The following XXYLT1 variants were observed in gnomAD, a reference collection of about 807,000 sequenced individuals.
The protein encoded by XXYLT1 is xyloside xylosyltransferase 1.
XXYLT1 carries 20 observed loss-of-function variants against 28.9 expected under a neutral mutation model. The observed-to-expected ratio is 0.69, with a 90% CI of 0.49 to 1.00. XXYLT1 has a LOEUF of 1.00. XXYLT1 is among the 50% of genes least tolerant of loss of function. The pLI is 0.00. For synonymous variants in XXYLT1, 257 were observed against 253.8 expected (o/e 1.01, Z -0.12); for missense variants, 542 against 560.1 (o/e 0.97, Z 0.33).
chr3:195,084,593 A>G (rs1401369258), intron 3 of XXYLT1, among the ~76,000 whole-genome samples: 1 of 152,212 alleles, frequency 6.6e-6, no homozygotes, highest in Non-Finnish European at 1.5e-5. Flanking sequence ...TACTCTTTTC[A>G]GAGGTCCAAT....
At chr3:195,075,982 G>C (rs7630743) in intron 3 of XXYLT1, among the ~76,000 whole-genome samples, 26,588 of 151,948 alleles carry the variant, frequency 0.17, 2,999 homozygotes, top group East Asian at 0.51. Flanking sequence ...ACCCTGTGGG[G>C]AGGCACACCG....
chr3:195,112,308 CAGA>C (rs991199648), intron 3 of XXYLT1, among the ~76,000 whole-genome samples: 1 of 152,156 alleles, frequency 6.6e-6, no homozygotes, highest in Non-Finnish European at 1.5e-5. Flanking sequence ...TCGCAAGCCC[CAGA>C]AGATCTGTCC....
intron 3 of XXYLT1, among the ~76,000 whole-genome samples, chr3:195,156,116 G>T (rs779726370): frequency 1.3e-5 from 2 of 152,202 alleles, no homozygotes; most frequent in African/African-American, 4.8e-5. Flanking sequence ...AGCCCAGCTG[G>T]TCAGTAGAAG....
rs921263122 is a variant in XXYLT1 at position 195,133,651 on chromosome 3, G to A, written c.785+22798C>T. On this transcript the variant is annotated intron_variant, in intron 3 of 3. Transcript: ENST00000310380. This position sits in a 1 kb window ranked among gnomAD's most constrained non-coding sequence, Gnocchi z 4.4. ...CAAACGCTCCCAGATGCACACTCTC[G>A]GCAACTTGTTGCCATGCAGCATTGT... 1.3e-5 allele frequency among the ~76,000 whole-genome samples: 2 copies of A among 152,092 alleles called. No homozygotes were observed. Among genetic ancestry groups the A allele is most frequent in the African/African-American group, 4.8e-5 (2 of 41,414 alleles).
At chr3:195,192,085 T>C (rs1722444884) in intron 2 of XXYLT1, among the ~76,000 whole-genome samples, 1 of 152,202 alleles carries the variant, frequency 6.6e-6, no homozygotes, top group Admixed American at 6.5e-5. Context: ...ATCCATTCCC[T>C]GAGACAGACT....
intron 3 of XXYLT1, among the ~76,000 whole-genome samples, chr3:195,108,262 T>C (rs895000091): frequency 1.4e-4 from 22 of 152,240 alleles, no homozygotes; most frequent in Non-Finnish European, 4.4e-5. Flanking sequence ...TAAACATTAA[T>C]TAGAAACGCA....
intron 1 of XXYLT1, among the ~76,000 whole-genome samples, chr3:195,249,516 C>T (rs1360942695): frequency 1.3e-5 from 2 of 152,226 alleles, no homozygotes. Context: ...GACATGAGCT[C>T]ATCTCATCCT....
intron 2 of XXYLT1, among the ~76,000 whole-genome samples, chr3:195,206,373 T>C (rs1577145545): frequency 6.6e-6 from 1 of 151,028 alleles, no homozygotes; most frequent in African/African-American, 2.4e-5. Context: ...AAACATGTAG[T>C]CAATTCAAGA....
Position 195,270,971 on chromosome 3 carries a change from C to A in XXYLT1, c.88G>T (p.Ala30Ser). Reference protein sequence around the residue: ...VRSHYCALLLAAALAVCAFYY... With the variant: ...VRSHYCALLLSAALAVCAFYY... ...AAGGCGCAGACGGCCAGCGCCGCGG[C>A]CAGCAGCAGGGCGCAGTAGTGGGAG... The change falls in exon 1 of 4, where the codon GCC (alanine) becomes TCC (serine). Residue 30 changes from alanine (A) to serine (S), a missense_variant. Physicochemically the swap from Ala to Ser is moderately conservative, Grantham distance 99 (BLOSUM62 1). Transcript: ENST00000310380. 1 of 1,487,812 alleles carries A rather than the reference C, an allele frequency of 6.7e-7. No individual in the cohort carries two copies. The highest frequency in any genetic ancestry group is 8.9e-7 in the Non-Finnish European group (1 of 1,122,172). The allele number at this position is 1,487,812 out of a possible 1,614,324, so 92.2% of individuals were successfully genotyped here.
chr3:195,103,484 T>C (rs1384488459), intron 3 of XXYLT1, among the ~76,000 whole-genome samples: 1 of 152,232 alleles, frequency 6.6e-6, no homozygotes, highest in Admixed American at 6.5e-5. Context: ...TGTTAGAGGC[T>C]GCATGGGCCT....
At chr3:195,084,295 G>A (rs1388631713) in intron 3 of XXYLT1, among the ~76,000 whole-genome samples, 1 of 152,112 alleles carries the variant, frequency 6.6e-6, no homozygotes, top group African/African-American at 2.4e-5. Context: ...TGGGAAGATG[G>A]CAGGGATCAG....
intron 3 of XXYLT1, among the ~76,000 whole-genome samples, chr3:195,099,121 GCAGA>G (rs146663682): frequency 0.01 from 1,554 of 152,346 alleles, 20 homozygotes; most frequent in African/African-American, 0.036. Context: ...CGAGGACATG[GCAGA>G]CAGACACCGC....
chr3:195,186,902 T>G (rs1722220968), intron 2 of XXYLT1, among the ~76,000 whole-genome samples: 1 of 151,420 alleles, frequency 6.6e-6, no homozygotes, highest in African/African-American at 2.4e-5. Context: ...TGAAGTTTTT[T>G]TTTTTTTTTT....
At chr3:195,175,779 C>A in intron 2 of XXYLT1, 1 of 1,507,068 alleles carries the variant, frequency 6.6e-7, no homozygotes, top group Admixed American at 2.1e-5. Context: ...CCCTGGAAGC[C>A]ACATGCTCCA....
intron 2 of XXYLT1, among the ~76,000 whole-genome samples, chr3:195,216,150 A>G (rs951382893): frequency 4.6e-5 from 7 of 152,252 alleles, no homozygotes; most frequent in South Asian, 4.1e-4. Context: ...TCTCTGGGAC[A>G]CATTCAAAGC....
At chr3:195,140,801 AG>A (rs1719446353) in intron 3 of XXYLT1, among the ~76,000 whole-genome samples, 1 of 152,188 alleles carries the variant, frequency 6.6e-6, no homozygotes, top group African/African-American at 2.4e-5. Context: ...CCTCCCACCC[AG>A]CCCCTCCTCT....
intron 2 of XXYLT1, among the ~76,000 whole-genome samples, chr3:195,200,227 CA>C (rs1722795914): frequency 6.6e-6 from 1 of 152,232 alleles, no homozygotes; most frequent in South Asian, 2.1e-4. Flanking sequence ...AGCCGTGAAG[CA>C]GCGTGGCGAA....
chr3:195,114,625 T>G, intron 3 of XXYLT1, among the ~76,000 whole-genome samples: 1 of 152,194 alleles, frequency 6.6e-6, no homozygotes, highest in Middle Eastern at 3.2e-3. Context: ...GACATCTCTT[T>G]ACACGTTTAA....
rs1378622365 is a variant in XXYLT1 at position 195,168,260 on chromosome 3, T to C, written c.653-11679A>G. 6.6e-6 allele frequency among the ~76,000 whole-genome samples: 1 copy of C among 152,212 alleles called. No homozygotes were observed. Among genetic ancestry groups the C allele is most frequent in the Admixed American group, 6.5e-5 (1 of 15,274 alleles). ...ACCACCCTGTGATTCTGAACAGGAATGGTCTTTGCCCCTCACTCATACCTT... is the reference window on the plus strand; with the variant it reads ...ACCACCCTGTGATTCTGAACAGGAACGGTCTTTGCCCCTCACTCATACCTT... On this transcript the variant is annotated intron_variant, in intron 2 of 3. Transcript: ENST00000310380. The surrounding 1 kb of genome is among the most constrained non-coding windows in gnomAD (Gnocchi z 4.3).
Sources: gnomAD v4.1 joint callset for allele counts (sites outside exome capture counted in the v4.1 genomes callset) on GRCh38, gnomAD v4.1.1 for gene constraint, Gnocchi (gnomAD v3.1) non-coding constraint, MANE v1.5 for transcripts, NCBI Gene and HGNC (gene_info 2026-07-23, HGNC 2026-07-21) for gene names.